WWOX: variants seen among roughly 807,000 people sequenced by gnomAD.
WWOX encodes WW domain-containing oxidoreductase.
Under a neutral mutation model 46.2 loss-of-function variants are expected in WWOX, and 69 were observed. The ratio of observed to expected loss-of-function variants is 1.49; its 90% CI spans 1.23 to 1.82. WWOX has a LOEUF of 1.82. Ranked by LOEUF, WWOX falls within the 40% of genes most tolerant of loss-of-function variation. WWOX has a pLI of 0.00. For missense variants in WWOX, 919 were observed against 542.6 expected (o/e 1.69, Z -6.89); for synonymous variants, 359 against 202.6 (o/e 1.77, Z -6.56).
chr16:78,461,587 A>G (rs1048612417), intron 8 of WWOX, among the ~76,000 whole-genome samples: 1 of 152,208 alleles, frequency 6.6e-6, no homozygotes, highest in Non-Finnish European at 1.5e-5. Flanking sequence ...TAAGGCAGCC[A>G]GGAGCTGCTG....
intron 8 of WWOX, among the ~76,000 whole-genome samples, chr16:78,448,582 G>T (rs2083614424): frequency 6.6e-6 from 1 of 152,110 alleles, no homozygotes; most frequent in Non-Finnish European, 1.5e-5. Context: ...AGCAGTACAG[G>T]CTTTATTCAA....
intron 8 of WWOX, among the ~76,000 whole-genome samples, chr16:78,517,194 G>A (rs1382676225): frequency 6.6e-6 from 1 of 152,082 alleles, no homozygotes; most frequent in Non-Finnish European, 1.5e-5. Context: ...TTCTGCAATT[G>A]ACATATCAAG....
At chr16:78,818,981 C>G (rs1025503276) in intron 8 of WWOX, among the ~76,000 whole-genome samples, 5 of 152,170 alleles carry the variant, frequency 3.3e-5, no homozygotes, top group Non-Finnish European at 5.9e-5. Context: ...CTTAATCTCT[C>G]TAATCCTCAT....
intron 8 of WWOX, among the ~76,000 whole-genome samples, chr16:78,660,478 T>G (rs1242584291): frequency 6.6e-6 from 1 of 152,132 alleles, no homozygotes; most frequent in Non-Finnish European, 1.5e-5. Flanking sequence ...GGTGGGCATA[T>G]AATGAGTAAC....
At chr16:78,812,024 TTACC>T (rs1305354520) in intron 8 of WWOX, among the ~76,000 whole-genome samples, 1 of 152,148 alleles carries the variant, frequency 6.6e-6, no homozygotes, top group Non-Finnish European at 1.5e-5. Context: ...GCTGTGGTTC[TTACC>T]CTCATCATTG....
At chr16:78,172,389 T>G (rs1236839118) in intron 5 of WWOX, among the ~76,000 whole-genome samples, 3 of 152,194 alleles carry the variant, frequency 2.0e-5, no homozygotes, top group African/African-American at 7.2e-5. Context: ...AGATTCTTTA[T>G]CAGATAATAA....
rs187634432 is a variant in WWOX, at chr16:78,282,303, G to A, written c.517-104557G>A. 3.2e-3 allele frequency among the ~76,000 whole-genome samples: 485 copies of A among 152,242 alleles called. 5 individuals are homozygous for A. Among genetic ancestry groups the A allele is most frequent in the African/African-American group, 0.011 (461 of 41,536 alleles). ...GCTATGATCCTTTTATGGTTCTGAC[G>A]TTGCAATTTTATTTTTGCATGTTTC... On this transcript the variant is annotated intron_variant, in intron 5 of 8. Transcript: ENST00000566780.
At chr16:79,138,464 G>T (rs141527555) in intron 8 of WWOX, among the ~76,000 whole-genome samples, 3 of 152,216 alleles carry the variant, frequency 2.0e-5, no homozygotes, top group Admixed American at 6.5e-5. Context: ...CACATTCCTC[G>T]TCTCTTTCCT....
rs1034638076 is a variant in WWOX at position 79,027,127 on chromosome 16, A to G, written c.1057-184481A>G. Among the ~76,000 whole-genome samples the G allele has an allele frequency of 1.6e-4, 25 of 151,590 alleles. No individual in the cohort carries two copies. The Middle Eastern group carries it at 0.01, about 62-fold the overall frequency. On this transcript the variant is annotated intron_variant, in intron 8 of 8. Coordinates refer to ENST00000566780, the MANE Select transcript of WWOX (RefSeq NM_016373.4). ...AGACCCCATCTCTACAAAAAATAAAATAATTAGCTGGGCATGGTGGTACAT... is the reference window on the plus strand; with the variant it reads ...AGACCCCATCTCTACAAAAAATAAAGTAATTAGCTGGGCATGGTGGTACAT...
At chr16:78,786,418 A>C (rs1030114985) in intron 8 of WWOX, among the ~76,000 whole-genome samples, 2 of 152,218 alleles carry the variant, frequency 1.3e-5, no homozygotes, top group African/African-American at 4.8e-5. Flanking sequence ...ACAGTCAATG[A>C]CTTCAAGAGC....
At chr16:78,379,727 T>A (rs892283959) in intron 5 of WWOX, among the ~76,000 whole-genome samples, 3 of 152,218 alleles carry the variant, frequency 2.0e-5, no homozygotes, top group African/African-American at 7.2e-5. Flanking sequence ...AACTCACTGA[T>A]ACCCTCCCAG....
At chr16:78,394,240 A>G (rs2082239548) in intron 6 of WWOX, among the ~76,000 whole-genome samples, 1 of 152,192 alleles carries the variant, frequency 6.6e-6, no homozygotes, top group South Asian at 2.1e-4. Flanking sequence ...ACAGAAGATC[A>G]TCTTGCTTTG....
At chr16:78,374,167 T>G (rs1321872844) in intron 5 of WWOX, among the ~76,000 whole-genome samples, 4 of 152,238 alleles carry the variant, frequency 2.6e-5, no homozygotes. Context: ...GTTGCTCATT[T>G]GGAAGCTAAT....
intron 8 of WWOX, among the ~76,000 whole-genome samples, chr16:78,510,065 GTCT>G (rs2085322843): frequency 3.5e-4 from 1 of 2,870 alleles, no homozygotes; most frequent in Admixed American, 0.016. Context: ...CTGTCTCCAA[GTCT>G]GTCTGTCTGT....
intron 6 of WWOX, among the ~76,000 whole-genome samples, chr16:78,397,331 A>G (rs915222503): frequency 2.0e-5 from 3 of 152,236 alleles, no homozygotes; most frequent in Middle Eastern, 3.2e-3. Flanking sequence ...ATCATGTGTC[A>G]TGTACAGCTA....
intron 8 of WWOX, among the ~76,000 whole-genome samples, chr16:78,467,943 T>G (rs767722511): frequency 6.6e-6 from 1 of 152,212 alleles, no homozygotes; most frequent in African/African-American, 2.4e-5. Context: ...CTTCATTGTC[T>G]TTTTGTGTGT....
At chr16:79,016,029 G>C (rs149042573) in intron 8 of WWOX, 2 of 152,296 alleles carry the variant, frequency 1.3e-5, no homozygotes, top group South Asian at 2.1e-4. Context: ...GATTACAGAC[G>C]TAAGTCACCA....
chr16:78,446,874 T>C (rs1485009831), intron 8 of WWOX, among the ~76,000 whole-genome samples: 10 of 152,090 alleles, frequency 6.6e-5, no homozygotes, highest in Non-Finnish European at 2.9e-5. Flanking sequence ...TTCACCAGGC[T>C]GGACATGAAC....
chr16:78,483,528 C>G (rs1296925163), intron 8 of WWOX, among the ~76,000 whole-genome samples: 2 of 151,258 alleles, frequency 1.3e-5, no homozygotes, highest in Non-Finnish European at 2.9e-5. Context: ...TTTGTGCTAG[C>G]TGATTGCCAA....
Sources: gnomAD v4.1 joint callset for allele counts (sites outside exome capture counted in the v4.1 genomes callset) on GRCh38, gnomAD v4.1.1 for gene constraint, MANE v1.5 for transcripts, NCBI Gene and HGNC (gene_info 2026-07-23, HGNC 2026-07-21) for gene names.